The following LGALS13 variants were observed in gnomAD, a reference collection of about 807,000 sequenced individuals.
LGALS13 encodes the protein galactoside-binding soluble lectin 13.
Under a neutral mutation model 13.2 loss-of-function variants are expected in LGALS13, and 11 were observed. The observed-to-expected ratio is 0.83, with a 90% CI of 0.52 to 1.38. The LOEUF (loss-of-function observed/expected upper bound fraction) is 1.38, where lower values mean the gene tolerates loss of function less well. Ranked by LOEUF, LGALS13 falls within the 40% of genes most tolerant of loss-of-function variation. LGALS13 has a pLI of 0.00. For missense variants in LGALS13, 183 were observed against 174.3 expected, an observed-to-expected ratio of 1.05 and a Z score of -0.28; for synonymous variants, 71 against 63.7, an observed-to-expected ratio of 1.11 and a Z score of -0.54.
rs998894472 is a variant in LGALS13 at position 39,607,325 on chromosome 19, T to A, written c.406T>A (p.Cys136Ser). ...VSRDISLTSV[C>S]VCN is the part of the protein sequence containing the mutation. ...GAGAGATATCTCCCTGACCTCAGTG[T>A]GTGTCTGCAATTGAGGGAGATGATC... The change falls in exon 4 of 4, where the codon TGT becomes AGT. Residue 136 changes from cysteine (C) to serine (S), a missense_variant. By Grantham distance (112) the Cys-to-Ser change is moderately radical. Coordinates refer to ENST00000221797, the MANE Select transcript of LGALS13 (RefSeq NM_013268.3). 1 of 1,606,490 alleles carries A rather than the reference T, an allele frequency of 6.2e-7. No homozygotes were observed. Among genetic ancestry groups the A allele is most frequent in the Non-Finnish European group, 8.5e-7 (1 of 1,173,072 alleles).
intron 1 of LGALS13, 52 bp downstream of exon 1, chr19:39,602,635 A>G: frequency 1.3e-6 from 2 of 1,563,588 alleles, no homozygotes; most frequent in South Asian, 1.1e-5. Flanking sequence ...CAAACCAAGA[A>G]AGAAATGGGA....
chr19:39,604,049 C>G, intron 1 of LGALS13: 1 of 887,926 alleles, frequency 1.1e-6, no homozygotes, highest in Non-Finnish European at 1.3e-6. Context: ...CAGGGGTTTC[C>G]TGTTCTTTCA....
At position 39,607,234 on chromosome 19, in the gene LGALS13, T is replaced by C. The variant is rs982609346; in HGVS notation, c.315T>C (p.Asn105=). Residue 105 remains asparagine, a synonymous_variant, in exon 4 of 4, where the codon AAT becomes AAC. Coordinates refer to ENST00000221797, the MANE Select transcript of LGALS13 (RefSeq NM_013268.3). ...TTTTCCTCTTGTAGATAAAGGTCAA[T>C]GGCATACGCATTTACGGCTTTGTCC... The part of the protein sequence containing the change: ...VHYNEYEIKV[N]GIRIYGFVHR... 9.3e-6 allele frequency: 15 copies of C among 1,613,750 alleles called. No individual in the cohort carries two copies. The highest frequency in any genetic ancestry group is 1.1e-5 in the South Asian group (1 of 91,088).
intron 2 of LGALS13, 58 bp from the exon 3 acceptor site, chr19:39,605,120 G>T: frequency 7.4e-7 from 1 of 1,359,724 alleles, no homozygotes; most frequent in East Asian, 2.3e-5. Context: ...TGTGTGTGTC[G>T]AGTGTGTGTC....
chr19:39,603,230 T>C (rs1972629073), intron 1 of LGALS13, among the ~76,000 whole-genome samples: 1 of 152,030 alleles, frequency 6.6e-6, no homozygotes, highest in South Asian at 2.1e-4. Flanking sequence ...GTATGATCAG[T>C]AGATGTCTCT....
intron 1 of LGALS13, among the ~76,000 whole-genome samples, chr19:39,603,229 G>T (rs1600798301): frequency 6.6e-6 from 1 of 152,114 alleles, no homozygotes. Context: ...TGTATGATCA[G>T]TAGATGTCTC....
At chr19:39,605,473 C>A in intron 3 of LGALS13, 85 bp downstream of exon 3, 2 of 1,111,874 alleles carry the variant, frequency 1.8e-6, no homozygotes, top group Non-Finnish European at 2.7e-6. Flanking sequence ...CCTCAGTAGT[C>A]CGTCAGGGTC....
intron 3 of LGALS13, 31 bp downstream of exon 3, chr19:39,605,419 G>T (rs1972671938): frequency 1.3e-6 from 2 of 1,577,308 alleles, no homozygotes; most frequent in African/African-American, 2.7e-5. Flanking sequence ...CAGCACCCAG[G>T]CTCTGTGGGC....
chr19:39,603,262 G>A (rs1972629582), intron 1 of LGALS13, among the ~76,000 whole-genome samples: 1 of 152,006 alleles, frequency 6.6e-6, no homozygotes, highest in Non-Finnish European at 1.5e-5. Flanking sequence ...GTGGGGAAGA[G>A]GAATGCAGAC....
intron 3 of LGALS13, among the ~76,000 whole-genome samples, chr19:39,605,714 T>C (rs1361289618): frequency 6.6e-6 from 1 of 152,036 alleles, no homozygotes; most frequent in Non-Finnish European, 1.5e-5. Context: ...GAAAAAAAAG[T>C]TTAAAAAAAA....
At chr19:39,606,601 T>A (rs1213896880) in intron 3 of LGALS13, among the ~76,000 whole-genome samples, 1 of 152,250 alleles carries the variant, frequency 6.6e-6, no homozygotes, top group Non-Finnish European at 1.5e-5. Flanking sequence ...AATACATCCA[T>A]ACTTTCTGGC....
At chr19:39,606,656 C>T (rs1386628100) in intron 3 of LGALS13, among the ~76,000 whole-genome samples, 1 of 152,226 alleles carries the variant, frequency 6.6e-6, no homozygotes. Context: ...TATTCAGATT[C>T]AAGCGAGGGA....
Position 39,607,455 on chromosome 19 carries a change from T to A in LGALS13, c.*116T>A, listed in dbSNP as rs570505931. ...CACATTTTCCCCTACACTTTGTCAT[T>A]AAAACAGCACGAAAACTCACATGAT... On this transcript the variant is annotated 3_prime_UTR_variant, in exon 4 of 4. Transcript: ENST00000221797. 22 of 758,256 alleles carry A rather than the reference T, an allele frequency of 2.9e-5. No homozygotes were observed. In the South Asian group the frequency reaches 3.0e-4, roughly 10 times the overall value. The allele number at this position is 758,256 out of a possible 1,614,324, so 47.0% of individuals were successfully genotyped here.
At chr19:39,602,722 C>T in intron 1 of LGALS13, 139 bp downstream of exon 1, 3 of 859,436 alleles carry the variant, frequency 3.5e-6, no homozygotes, top group Non-Finnish European at 3.9e-6. Flanking sequence ...GAATAGAAAC[C>T]CTGAGGCTAT....
At chr19:39,607,005 C>T (rs921118360) in intron 3 of LGALS13, among the ~76,000 whole-genome samples, 31 of 152,148 alleles carry the variant, frequency 2.0e-4, no homozygotes, top group Non-Finnish European at 2.4e-4. Context: ...GAGTATAGAA[C>T]TTCGCTAGAG....
In LGALS13 at chr19:39,607,156, A is replaced by G. The variant is rs1972703030; in HGVS notation, c.304-67A>G. 3.0e-6 allele frequency: 3 copies of G among 993,384 alleles called. No homozygotes were observed. In the Admixed American group the frequency reaches 5.1e-5, roughly 17 times the overall value. 61.5% of individuals were successfully genotyped at this position (993,384 alleles called of 1,614,324 possible). The stretch of plus-strand genomic sequence containing the variant: ...GGGAATGTTATTTGTACCAGGACAG[A>G]GTGGAGAGGAGGCCGAAAACTTGTT... On this transcript the variant is annotated intron_variant, in intron 3 of 3. Transcript: ENST00000221797.
intron 1 of LGALS13, among the ~76,000 whole-genome samples, chr19:39,603,349 G>GT (rs1972631152): frequency 6.6e-6 from 1 of 151,980 alleles, no homozygotes; most frequent in Non-Finnish European, 1.5e-5. Context: ...CAGCTTGCCT[G>GT]TCCCTAGCCC....
chr19:39,605,041 C>T (rs1052430277), intron 2 of LGALS13, 137 bp from the exon 3 acceptor site: 20 of 780,734 alleles, frequency 2.6e-5, no homozygotes, highest in Non-Finnish European at 4.0e-5. Context: ...CTGAAGCATC[C>T]CCACAGGGAC....
intron 1 of LGALS13, 108 bp downstream of exon 1, chr19:39,602,691 A>T: frequency 9.3e-7 from 1 of 1,078,656 alleles, no homozygotes; most frequent in Non-Finnish European, 1.4e-6. Context: ...TGAATGCTTT[A>T]CTTAGAGCTA....
Sources: allele counts gnomAD v4.1 joint callset (sites outside exome capture counted in the v4.1 genomes callset), GRCh38; gene constraint gnomAD v4.1.1; transcripts MANE v1.5; gene names NCBI Gene and HGNC (gene_info 2026-07-23, HGNC 2026-07-21).